UTP20: variants seen among roughly 807,000 people sequenced by gnomAD.
The protein encoded by UTP20 is UTP20 small subunit processome component.
In UTP20, 164 loss-of-function variants were observed where a neutral mutation model predicts 329.5. That is an observed-to-expected ratio of 0.50 (90% CI 0.44 to 0.57). UTP20 has a LOEUF of 0.57. Among genes scored for constraint, UTP20 ranks in the 20% least tolerant of loss-of-function variants. UTP20 has a pLI of 0.00. For synonymous variants in UTP20, 1,151 were observed against 1,159.3 expected (o/e 0.99, Z 0.14); for missense variants, 3,055 against 3,284.2 (o/e 0.93, Z 1.71).
At chr12:101,368,054 G>A (rs1018700202) in intron 48 of UTP20, 78 bp downstream of exon 48, 5 of 1,017,576 alleles carry the variant, frequency 4.9e-6, no homozygotes, top group African/African-American at 1.6e-5. Context: ...CCTAATGGTT[G>A]TATTTGGGCT....
intron 21 of UTP20, among the ~76,000 whole-genome samples, chr12:101,314,211 C>A (rs896020702): frequency 6.6e-6 from 1 of 152,086 alleles, no homozygotes; most frequent in African/African-American, 2.4e-5. Context: ...AGACTAAAGG[C>A]GGCAGTAAAC....
At chr12:101,334,110 T>G (rs943744174) in intron 28 of UTP20, among the ~76,000 whole-genome samples, 4 of 152,254 alleles carry the variant, frequency 2.6e-5, no homozygotes, top group African/African-American at 9.6e-5. Flanking sequence ...GGTATAGGTA[T>G]AGACTGAAGG....
rs375404395 is a variant in UTP20 at position 101,334,404 on chromosome 12, G to A, written c.3562-21G>A. On this transcript the variant is annotated intron_variant, in intron 28 of 61. Transcript: ENST00000261637. ...ATTTGGTATATGTATTTGGTATTCT[G>A]TTTTTTACTTTGTCTCCTAGATCAG... is the stretch of plus-strand genomic sequence containing the variant. The A allele has an allele frequency of 5.8e-4, 929 of 1,604,492 alleles. 21 individuals carry two copies. The South Asian group carries it at 0.01, about 17-fold the overall frequency.
In UTP20 at chr12:101,344,658, G is replaced by C. The variant is rs1196592044; in HGVS notation, c.4513G>C (p.Ala1505Pro). The C allele has an allele frequency of 6.5e-7, 1 of 1,543,360 alleles. No individual in the cohort carries two copies. The highest frequency in any genetic ancestry group is 1.1e-5 in the South Asian group (1 of 89,658). The change falls in exon 36 of 62, where the codon GCT (alanine) becomes CCT (proline). Residue 1505 changes from alanine to proline, a missense_variant. Transcript: ENST00000261637. ...CCTGATGAGTATCATCAAAAAGCTA[G>C]CTGCCTTGAATGTCACAGAGAAAGA... ...MCLMSIIKKL[A>P]ALNVTEKDYR...
At chr12:101,314,657 C>CA (rs780649389) in intron 21 of UTP20, among the ~76,000 whole-genome samples, 19,494 of 105,452 alleles carry the variant, frequency 0.18, 2,651 homozygotes, top group East Asian at 0.5. Context: ...GACTCTGTCT[C>CA]AAAAAAAAAA....
chr12:101,320,811 G>A (rs1873124929), intron 23 of UTP20, 41 bp from the exon 24 acceptor site: 5 of 1,540,030 alleles, frequency 3.2e-6, no homozygotes, highest in Non-Finnish European at 4.4e-6. Flanking sequence ...TATGGTATAT[G>A]TATATATGAC....
At chr12:101,327,705 C>T (rs927584930) in intron 26 of UTP20, among the ~76,000 whole-genome samples, 4 of 152,200 alleles carry the variant, frequency 2.6e-5, no homozygotes, top group African/African-American at 9.6e-5. Context: ...AAAGTACAAT[C>T]TCTGCCCTCA....
At chr12:101,369,165 A>G (rs1870196832) in intron 48 of UTP20, among the ~76,000 whole-genome samples, 2 of 152,216 alleles carry the variant, frequency 1.3e-5, no homozygotes, top group South Asian at 4.1e-4. Flanking sequence ...AATACCCAGT[A>G]GAGTGCCTTG....
At chr12:101,331,014 T>C (rs537611266) in intron 27 of UTP20, among the ~76,000 whole-genome samples, 2 of 152,346 alleles carry the variant, frequency 1.3e-5, no homozygotes, top group African/African-American at 4.8e-5. Flanking sequence ...GTCTTTCCTT[T>C]AGGGCATTGA....
chr12:101,293,289 G>T lies in UTP20; in HGVS notation c.1251+44G>T, dbSNP rs762189016. 7 of 1,570,250 alleles carry T rather than the reference G, an allele frequency of 4.5e-6. No homozygotes were observed. In the South Asian group the frequency reaches 6.7e-5, roughly 15 times the overall value. ...TCGGAGTATTTTTAAAAACAAATCTGTCAGGAAAAAACGATCAAATTTGAA... is the reference window on the plus strand; with the variant it reads ...TCGGAGTATTTTTAAAAACAAATCTTTCAGGAAAAAACGATCAAATTTGAA... On this transcript the variant is annotated intron_variant, in intron 11 of 61. Transcript: ENST00000261637.
chr12:101,349,445 C>T (rs1869445400), intron 38 of UTP20, among the ~76,000 whole-genome samples: 1 of 149,332 alleles, frequency 6.7e-6, no homozygotes. Flanking sequence ...CAGAATTTCA[C>T]TCTGTCACCC....
chr12:101,284,446 A>T (rs1198387898), intron 2 of UTP20, among the ~76,000 whole-genome samples: 1 of 152,172 alleles, frequency 6.6e-6, no homozygotes, highest in African/African-American at 2.4e-5. Context: ...GGCATATAAT[A>T]TTCCATGGTG....
At chr12:101,327,268 A>T in intron 26 of UTP20, 21 bp downstream of exon 26, 2 of 1,551,240 alleles carry the variant, frequency 1.3e-6, no homozygotes, top group Admixed American at 3.5e-5. Context: ...GCTACCTCTC[A>T]CTCTAATACC....
At chr12:101,376,100 G>C (rs990534814) in intron 56 of UTP20, among the ~76,000 whole-genome samples, 21 of 152,188 alleles carry the variant, frequency 1.4e-4, no homozygotes, top group Non-Finnish European at 2.4e-4. Flanking sequence ...GTATTGTTTT[G>C]ATGTATGTAC....
chr12:101,285,814 G>A lies in UTP20; in HGVS notation c.259G>A (p.Glu87Lys), dbSNP rs751332898. The A allele has an allele frequency of 2.2e-5, 35 of 1,613,664 alleles. No individual in the cohort carries two copies. The Middle Eastern group carries it at 6.6e-4, about 30-fold the overall frequency. Residue 87 changes from glutamate (E) to lysine (K), a missense_variant, in exon 4 of 62, where the codon GAG (glutamate) becomes AAG (lysine). Physicochemically the swap from Glu to Lys is moderately conservative, Grantham distance 56. Coordinates refer to ENST00000261637, the MANE Select transcript of UTP20 (RefSeq NM_014503.3). Reference sequence around the variant, plus strand: ...CAATCAGTTGGTGTATCACCAAAACGAGATAGTTCAGAGTTTGAAGACTCA... The same window carrying A: ...CAATCAGTTGGTGTATCACCAAAACAAGATAGTTCAGAGTTTGAAGACTCA... Reference protein sequence around the residue: ...SFNQLVYHQNEIVQSLKTHLQ... With the variant: ...SFNQLVYHQNKIVQSLKTHLQ...
At position 101,285,791 on chromosome 12, in the gene UTP20, A is replaced by G. The variant is rs140064475; in HGVS notation, c.236A>G (p.Asn79Ser). ...GTTATTGACAAATGCCAATCATTCA[A>G]TCAGTTGGTGTATCACCAAAACGAG... ...KEVIDKCQSF[N>S]QLVYHQNEIV... is the part of the protein sequence containing the mutation. The change falls in exon 4 of 62, where the codon AAT (asparagine) becomes AGT (serine). Residue 79 changes from asparagine (N) to serine (S), a missense_variant. Physicochemically the swap from Asn to Ser is conservative, Grantham distance 46. Coordinates refer to ENST00000261637, the MANE Select transcript of UTP20 (RefSeq NM_014503.3). The G allele has an allele frequency of 3.0e-4, 483 of 1,613,844 alleles. No homozygotes were observed. In the African/African-American group the frequency reaches 5.2e-3, roughly 17 times the overall value.
intron 57 of UTP20, among the ~76,000 whole-genome samples, chr12:101,380,821 T>G (rs1202302810): frequency 7.3e-6 from 1 of 137,588 alleles, no homozygotes; most frequent in Non-Finnish European, 1.5e-5. Context: ...CCGAGATCAC[T>G]CCAGTGCAGT....
chr12:101,310,577 CAAAAAA>C (rs549641642), intron 19 of UTP20, among the ~76,000 whole-genome samples: 25 of 44,370 alleles, frequency 5.6e-4, no homozygotes, highest in African/African-American at 2.3e-3. Flanking sequence ...CTCTGTCTCC[CAAAAAA>C]AAAAAAAAAA....
chr12:101,334,636 A>G, intron 29 of UTP20, 132 bp downstream of exon 29: 1 of 690,998 alleles, frequency 1.4e-6, no homozygotes, highest in Non-Finnish European at 2.3e-6. Flanking sequence ...CAGTTAGAGA[A>G]TGAGGCAGCT....
Sources: gnomAD v4.1 joint callset for allele counts (sites outside exome capture counted in the v4.1 genomes callset) on GRCh38, gnomAD v4.1.1 for gene constraint, MANE v1.5 for transcripts, NCBI Gene and HGNC (gene_info 2026-07-23, HGNC 2026-07-21) for gene names.